The following ATAD2B variants were observed in gnomAD, a reference collection of about 807,000 sequenced individuals.
ATAD2B encodes ATPase family AAA domain containing 2B.
Under a neutral mutation model 167.6 loss-of-function variants are expected in ATAD2B, and 40 were observed. The observed-to-expected ratio is 0.24, with a 90% CI of 0.19 to 0.31. ATAD2B has a LOEUF of 0.31. Ranked by LOEUF, ATAD2B falls within the 10% of genes least tolerant of loss-of-function variation. The pLI is 1.00. For synonymous variants in ATAD2B, 579 were observed against 596.5 expected, an observed-to-expected ratio of 0.97 and a Z score of 0.43; for missense variants, 1,242 against 1,757.2, an observed-to-expected ratio of 0.71 and a Z score of 5.24.
chr2:23,782,827 CTGAT>C (rs770036506), intron 22 of ATAD2B, 38 bp downstream of exon 22: 10 of 1,522,952 alleles, frequency 6.6e-6, no homozygotes, highest in Admixed American at 3.7e-5. Flanking sequence ...AAACTGTCTT[CTGAT>C]TGATTATCAA....
intron 13 of ATAD2B, among the ~76,000 whole-genome samples, chr2:23,853,184 C>A (rs968331358): frequency 3.3e-5 from 5 of 152,154 alleles, no homozygotes; most frequent in Admixed American, 3.3e-4. Flanking sequence ...ATGAAGGAAA[C>A]AGGCAGTGAT....
At chr2:23,911,549 T>C (rs535955535) in intron 1 of ATAD2B, among the ~76,000 whole-genome samples, 69 of 143,300 alleles carry the variant, frequency 4.8e-4, no homozygotes, top group African/African-American at 1.8e-3. Context: ...GGTGAGATCT[T>C]ATCCCAAAAA....
At chr2:23,695,386 G>T in the ATAD2B span, among the ~76,000 whole-genome samples, 1 of 152,056 alleles carries the variant, frequency 6.6e-6, no homozygotes, top group Non-Finnish European at 1.5e-5. This position sits in a 1 kb window ranked among gnomAD's most constrained non-coding sequence, Gnocchi z 7.6. Flanking sequence ...CTCCTGCAGG[G>T]CTGGCTGCAG....
At chr2:23,725,225 T>C in the ATAD2B span, among the ~76,000 whole-genome samples, 1 of 152,078 alleles carries the variant, frequency 6.6e-6, no homozygotes, top group East Asian at 1.9e-4. Context: ...AACATATTCT[T>C]CGGAAATAAA....
intron 13 of ATAD2B, among the ~76,000 whole-genome samples, chr2:23,850,529 T>C (rs1315109749): frequency 6.6e-6 from 1 of 152,206 alleles, no homozygotes; most frequent in Non-Finnish European, 1.5e-5. Context: ...AAATACATAC[T>C]GCTATATAAA....
chr2:23,905,690 T>C (rs1433024522), intron 1 of ATAD2B, among the ~76,000 whole-genome samples: 2 of 152,202 alleles, frequency 1.3e-5, no homozygotes, highest in African/African-American at 4.8e-5. Context: ...ACCTACTGCC[T>C]CACAGTAGAT....
the ATAD2B span, among the ~76,000 whole-genome samples, chr2:23,723,441 AAGG>A: frequency 1.7e-5 from 2 of 120,402 alleles, no homozygotes; most frequent in African/African-American, 6.3e-5. Context: ...AGAAAGGAGG[AAGG>A]AGGGAAGGAG....
chr2:23,696,670 C>T, the ATAD2B span: 11 of 600,678 alleles, frequency 1.8e-5, no homozygotes, highest in East Asian at 1.2e-4. This position sits in a 1 kb window ranked among gnomAD's most constrained non-coding sequence, Gnocchi z 5.5. Context: ...GTCACAGCAC[C>T]GGGGGCAGCA....
intron 7 of ATAD2B, among the ~76,000 whole-genome samples, chr2:23,877,084 A>AG (rs397820298): frequency 6.7e-6 from 1 of 149,778 alleles, no homozygotes; most frequent in Non-Finnish European, 1.5e-5. Flanking sequence ...AAAAAAAAAA[A>AG]GAAAGAAAGA....
At chr2:23,882,109 C>T (rs1449910684) in intron 6 of ATAD2B, among the ~76,000 whole-genome samples, 1 of 152,146 alleles carries the variant, frequency 6.6e-6, no homozygotes, top group East Asian at 1.9e-4. Flanking sequence ...CCTCTAGTCC[C>T]AAATACTTAG....
At chr2:23,745,368 A>AGAAGGAAGGAAG (rs767435573), downstream of ATAD2B, among the ~76,000 whole-genome samples, 6,141 of 52,796 alleles carry the variant, frequency 0.12, 717 homozygotes, top group East Asian at 0.25. Context: ...AAGGAAGGAA[A>AGAAGGAAGGAAG]GAAGGAAGGA....
the ATAD2B span, among the ~76,000 whole-genome samples, chr2:23,728,590 G>C: frequency 6.6e-6 from 1 of 152,204 alleles, no homozygotes; most frequent in African/African-American, 2.4e-5. Flanking sequence ...GTAAATGGTA[G>C]TGGAAAGGGA....
chr2:23,921,351 G>T (rs1703908158), intron 1 of ATAD2B, among the ~76,000 whole-genome samples: 1 of 151,940 alleles, frequency 6.6e-6, no homozygotes, highest in Non-Finnish European at 1.5e-5. Flanking sequence ...AAAGTAATAT[G>T]GCACTTAGAT....
At chr2:23,710,964 T>C in the ATAD2B span, among the ~76,000 whole-genome samples, 2 of 152,194 alleles carry the variant, frequency 1.3e-5, no homozygotes, top group East Asian at 3.9e-4. Context: ...ACTAACAACA[T>C]GCCCGACACT....
intron 24 of ATAD2B, among the ~76,000 whole-genome samples, chr2:23,759,651 G>A (rs1253087570): frequency 1.3e-5 from 2 of 152,172 alleles, no homozygotes; most frequent in Non-Finnish European, 2.9e-5. Flanking sequence ...GGCTCAACAT[G>A]TATTTTTCCT....
At chr2:23,883,181 G>A (rs569825797) in intron 6 of ATAD2B, among the ~76,000 whole-genome samples, 2 of 151,128 alleles carry the variant, frequency 1.3e-5, no homozygotes, top group South Asian at 2.1e-4. Context: ...TCAGGAGGCT[G>A]ACATGGGAGG....
At chr2:23,887,314 C>A (rs943662869) in intron 4 of ATAD2B, among the ~76,000 whole-genome samples, 1 of 152,110 alleles carries the variant, frequency 6.6e-6, no homozygotes, top group East Asian at 1.9e-4. Context: ...CCCACTTTAG[C>A]CTCCTGAGCA....
At chr2:23,886,670 G>A (rs997086147) in intron 4 of ATAD2B, among the ~76,000 whole-genome samples, 3 of 152,164 alleles carry the variant, frequency 2.0e-5, no homozygotes, top group Admixed American at 6.5e-5. Flanking sequence ...GGTGGCTCAC[G>A]CCTGTAATCC....
At chr2:23,737,237 G>A in the ATAD2B span, among the ~76,000 whole-genome samples, 1 of 152,180 alleles carries the variant, frequency 6.6e-6, no homozygotes, top group Non-Finnish European at 1.5e-5. Context: ...TCTGAGAACG[G>A]GCAGACTGCC....
Sources: allele counts gnomAD v4.1 joint callset (sites outside exome capture counted in the v4.1 genomes callset), GRCh38; gene constraint gnomAD v4.1.1; non-coding constraint Gnocchi (gnomAD v3.1); transcripts MANE v1.5; gene names NCBI Gene and HGNC (gene_info 2026-07-23, HGNC 2026-07-21).